Variants in UTS2R observed in about 807,000 individuals in gnomAD.
UTS2R encodes urotensin 2 receptor.
For missense variants in UTS2R, 653 were observed against 562.2 expected, an observed-to-expected ratio of 1.16 and a Z score of -1.63; for synonymous variants, 335 against 280.9, an observed-to-expected ratio of 1.19 and a Z score of -1.93.
At chr17:82,372,205 T>G (rs1343273006) in intron 1 of UTS2R, among the ~76,000 whole-genome samples, 158 bp downstream of exon 1, 2 of 152,114 alleles carry the variant, frequency 1.3e-5, no homozygotes, top group African/African-American at 4.8e-5. Context: ...CGTGGAACTT[T>G]CGGCCCCTCC....
Position 82,374,969 on chromosome 17 carries a change from C to A in UTS2R, c.645C>A (p.Leu215=). Residue 215 remains leucine (L), a synonymous_variant, in exon 3 of 3, where the codon CTC becomes CTA. Transcript: ENST00000313135. The part of the protein sequence containing the change: ...PRAHRAYLTL[L]FATSIAGPGL... ...CCCACCGCGCCTACCTGACGCTGCTCTTCGCCACCAGCATCGCGGGGCCCG... is the reference window on the plus strand; with the variant it reads ...CCCACCGCGCCTACCTGACGCTGCTATTCGCCACCAGCATCGCGGGGCCCG... The A allele has an allele frequency of 8.4e-7, 1 of 1,189,880 alleles. No homozygotes were observed. 73.7% of individuals were successfully genotyped at this position (1,189,880 alleles called of 1,614,324 possible).
chr17:82,375,549 A>C lies in UTS2R; in HGVS notation c.*55A>C. On this transcript the variant is annotated 3_prime_UTR_variant, in exon 3 of 3. Transcript: ENST00000313135. ...GGGGACGCGCCCCAAAGCCCCAGCC[A>C]CTCCCGGGAGCCCCCCCAACTCCCA... 1 of 692,324 alleles carries C rather than the reference A, an allele frequency of 1.4e-6. No homozygotes were observed. Among genetic ancestry groups the C allele is most frequent in the Non-Finnish European group, 2.2e-6 (1 of 453,282 alleles). 42.9% of individuals were successfully genotyped at this position (692,324 alleles called of 1,614,324 possible).
In UTS2R at chr17:82,375,571, C is replaced by G; in HGVS notation, c.*77C>G. ...GCCACTCCCGGGAGCCCCCCCAACT[C>G]CCAAATCACAGGCCCTGCCCCTCCT... On this transcript the variant is annotated 3_prime_UTR_variant, in exon 3 of 3. Coordinates refer to ENST00000313135, the MANE Select transcript of UTS2R (RefSeq NM_018949.3). 1 of 570,978 alleles carries G rather than the reference C, an allele frequency of 1.8e-6. No homozygotes were observed. Among genetic ancestry groups the G allele is most frequent in the Non-Finnish European group, 2.9e-6 (1 of 344,458 alleles). 35.4% of individuals were successfully genotyped at this position (570,978 alleles called of 1,614,324 possible). A position where few individuals can be genotyped will look rare whatever the true frequency, so the allele number is the denominator to read the frequency against.
rs539478274 is a variant in UTS2R at position 82,371,988 on chromosome 17, G to A, written c.-328G>A. Among the ~76,000 whole-genome samples the A allele has an allele frequency of 6.6e-6, 1 of 152,174 alleles. No individual in the cohort carries two copies. The highest frequency in any genetic ancestry group is 2.1e-4 in the South Asian group (1 of 4,824). On this transcript the variant is annotated 5_prime_UTR_variant, in exon 1 of 3. Transcript: ENST00000313135. This position sits in a 1 kb window ranked among gnomAD's most constrained non-coding sequence, Gnocchi z 6.3. ...GAGGAGTTTGGAGCCGCGAGCGGCTGCCCCCACGCGCGACCCCAGGCTCGG... is the reference window on the plus strand; with the variant it reads ...GAGGAGTTTGGAGCCGCGAGCGGCTACCCCCACGCGCGACCCCAGGCTCGG...
chr17:82,373,792 T>G (rs2052465769), intron 2 of UTS2R, among the ~76,000 whole-genome samples: 2 of 152,174 alleles, frequency 1.3e-5, no homozygotes, highest in African/African-American at 4.8e-5. Flanking sequence ...TTTTGCAATC[T>G]AAAGAAAACA....
chr17:82,374,586 G>A lies in UTS2R; in HGVS notation c.262G>A (p.Val88Ile), dbSNP rs369444967. ...CCTGCGTGCGGTGGCCTCCATGTACGTCTACGTGGTCAACCTGGCGCTGGC... is the reference window on the plus strand; with the variant it reads ...CCTGCGTGCGGTGGCCTCCATGTACATCTACGTGGTCAACCTGGCGCTGGC... ...RSLRAVASMY[V>I]YVVNLALADL... The change falls in exon 3 of 3, where the codon GTC becomes ATC. Residue 88 changes from valine (V) to isoleucine (I), a missense_variant. By Grantham distance (29) the Val-to-Ile change is conservative. Transcript: ENST00000313135. 7 of 1,604,894 alleles carry A rather than the reference G, an allele frequency of 4.4e-6. No individual in the cohort carries two copies. Among genetic ancestry groups the A allele is most frequent in the African/African-American group, 4.0e-5 (3 of 74,804 alleles).
Position 82,375,623 on chromosome 17 carries a change from C to T in UTS2R, c.*129C>T. The T allele has an allele frequency of 5.9e-6, 3 of 506,150 alleles. No individual in the cohort carries two copies. Among genetic ancestry groups the T allele is most frequent in the Non-Finnish European group, 1.0e-5 (3 of 292,056 alleles). 31.4% of individuals were successfully genotyped at this position (506,150 alleles called of 1,614,324 possible). A position where few individuals can be genotyped will look rare whatever the true frequency, so the allele number is the denominator to read the frequency against. On this transcript the variant is annotated 3_prime_UTR_variant, in exon 3 of 3. Coordinates refer to ENST00000313135, the MANE Select transcript of UTS2R (RefSeq NM_018949.3). ...CGTCCCCTTCTGGAAAGATCCTGCT[C>T]GCTTCCCCTCAGCGCCCTTCCCGTG...
rs201074653 is a variant in UTS2R, at chr17:82,375,290, C to T, written c.966C>T (p.Tyr322=). The T allele has an allele frequency of 6.4e-7, 1 of 1,556,544 alleles. No individual in the cohort carries two copies. The highest frequency in any genetic ancestry group is 8.7e-7 in the Non-Finnish European group (1 of 1,152,208). ...TCTACACGCTGCTCACCAGGAACTA[C>T]CGCGACCACCTGCGCGGCCGCGTGC... ...PFLYTLLTRN[Y]RDHLRGRVRG... Residue 322 remains tyrosine (Y), a synonymous_variant, in exon 3 of 3, where the codon TAC becomes TAT. Coordinates refer to ENST00000313135, the MANE Select transcript of UTS2R (RefSeq NM_018949.3).
rs2052458815 is a variant in UTS2R at position 82,372,599 on chromosome 17, C to T, written c.-267C>T. ...GCCTCCTGTGTCTTGTTTCTTCAGC[C>T]CACCACCGCGCTGTTTCATCCAGGC... On this transcript the variant is annotated splice_region_variant and 5_prime_UTR_variant, in exon 2 of 3. Transcript: ENST00000313135. 6.6e-6 allele frequency among the ~76,000 whole-genome samples: 1 copy of T among 152,220 alleles called. No homozygotes were observed. The highest frequency in any genetic ancestry group is 1.5e-5 in the Non-Finnish European group (1 of 68,052).
intron 1 of UTS2R, among the ~76,000 whole-genome samples, 28 bp downstream of exon 1, chr17:82,372,075 G>A (rs924334449): frequency 1.2e-4 from 19 of 152,144 alleles, no homozygotes; most frequent in African/African-American, 3.1e-4. Context: ...GACCGGGAGC[G>A]CGCGGGGACT....
At chr17:82,374,218 G>A (rs2047449159) in intron 2 of UTS2R, 25 bp from the exon 3 acceptor site, 1 of 878,204 alleles carries the variant, frequency 1.1e-6, no homozygotes, top group African/African-American at 1.7e-5. Context: ...GGAAGGTGTT[G>A]CCTGATTTGC....
chr17:82,374,526 G>A lies in UTS2R; in HGVS notation c.202G>A (p.Gly68Ser), dbSNP rs755315797. Reference sequence around the variant, plus strand: ...GGCCATGGGCGTGGTGGGCGTGGTGGGCAACGCCTACACGCTGGTGGTCAC... The same window carrying A: ...GGCCATGGGCGTGGTGGGCGTGGTGAGCAACGCCTACACGCTGGTGGTCAC... ...LSAMGVVGVV[G>S]NAYTLVVTCR... The change falls in exon 3 of 3, where the codon GGC (glycine) becomes AGC (serine). Residue 68 changes from glycine (G) to serine (S), a missense_variant. Physicochemically the swap from Gly to Ser is moderately conservative, Grantham distance 56. Transcript: ENST00000313135. The A allele has an allele frequency of 3.8e-6, 6 of 1,582,776 alleles. No individual in the cohort carries two copies. Among genetic ancestry groups the A allele is most frequent in the Non-Finnish European group, 5.1e-6 (6 of 1,165,306 alleles).
At position 82,374,440 on chromosome 17, in the gene UTS2R, C is replaced by A. The variant is rs761959246; in HGVS notation, c.116C>A (p.Pro39Gln). 1 of 1,599,036 alleles carries A rather than the reference C, an allele frequency of 6.3e-7. No individual in the cohort carries two copies. Among genetic ancestry groups the A allele is most frequent in the South Asian group, 1.1e-5 (1 of 89,574 alleles). Residue 39 changes from proline to glutamine, a missense_variant, in exon 3 of 3, where the codon CCG (proline) becomes CAG (glutamine). Pro to Gln is a moderately conservative substitution (Grantham distance 76). Transcript: ENST00000313135. ...ACCCTCAACAGCTCCTGGGCCAGCC[C>A]GACCGAGCCCAGCTCCCTGGAGGAC... The part of the protein sequence containing the change: ...NATLNSSWAS[P>Q]TEPSSLEDLV...
chr17:82,374,034 G>A (rs1360735930), intron 2 of UTS2R, among the ~76,000 whole-genome samples: 5 of 151,770 alleles, frequency 3.3e-5, no homozygotes, highest in Non-Finnish European at 7.4e-5. Context: ...GGGGGGGGCA[G>A]GGGTCCTGCT....
Position 82,375,474 on chromosome 17 carries a change from G to T in UTS2R, c.1150G>T (p.Gly384Cys). The change falls in exon 3 of 3, where the codon GGT becomes TGT. Residue 384 changes from glycine (G) to cysteine (C), a missense_variant. Physicochemically the swap from Gly to Cys is radical, Grantham distance 159. Transcript: ENST00000313135. ...PAAPARPAPE[G>C]PRAPA is the part of the protein sequence containing the mutation. The stretch of plus-strand genomic sequence containing the variant: ...GGCCCCGGCCCGACCTGCGCCCGAG[G>T]GTCCCAGGGCCCCGGCGTGAGCACG... The T allele has an allele frequency of 4.1e-6, 6 of 1,455,280 alleles. No individual in the cohort carries two copies. Among genetic ancestry groups the T allele is most frequent in the East Asian group, 2.7e-5 (1 of 37,582 alleles). 90.1% of individuals were successfully genotyped at this position (1,455,280 alleles called of 1,614,324 possible). A position where few individuals can be genotyped will look rare whatever the true frequency, so the allele number is the denominator to read the frequency against.
chr17:82,374,331 C>G lies in UTS2R; in HGVS notation c.7C>G (p.Leu3Val). ...CCGTCGTGAGGGGTCAGAGATGGCG[C>G]TGACCCCCGAGTCCCCGAGCAGCTT... is the stretch of plus-strand genomic sequence containing the variant. MALTPESPSSFPG... is the reference protein window; with the variant it reads MAVTPESPSSFPG... Residue 3 changes from leucine (L) to valine (V), a missense_variant, in exon 3 of 3, where the codon CTG becomes GTG. Transcript: ENST00000313135. The G allele has an allele frequency of 6.4e-7, 1 of 1,568,934 alleles. No individual in the cohort carries two copies. The highest frequency in any genetic ancestry group is 8.6e-7 in the Non-Finnish European group (1 of 1,165,238).
At position 82,371,828 on chromosome 17, in the gene UTS2R, C is replaced by G. The variant is rs1472226407; in HGVS notation, c.-488C>G. ...GAGACCCGGCGCGGGGCGGGGGGCG[C>G]GGCTTTGGTGGCGGGACTGGCGGGC... On this transcript the variant is annotated 5_prime_UTR_variant, in exon 1 of 3. Coordinates refer to ENST00000313135, the MANE Select transcript of UTS2R (RefSeq NM_018949.3). This position sits in a 1 kb window ranked among gnomAD's most constrained non-coding sequence, Gnocchi z 6.3. Among the ~76,000 whole-genome samples the G allele has an allele frequency of 1.3e-5, 2 of 151,636 alleles. No homozygotes were observed. Among genetic ancestry groups the G allele is most frequent in the African/African-American group, 4.8e-5 (2 of 41,344 alleles).
rs200967341 is a variant in UTS2R at position 82,374,720 on chromosome 17, G to A, written c.396G>A (p.Leu132=). 51 of 1,612,690 alleles carry A rather than the reference G, an allele frequency of 3.2e-5. No individual in the cohort carries two copies. Among genetic ancestry groups the A allele is most frequent in the African/African-American group, 5.3e-5 (4 of 74,924 alleles). The change falls in exon 3 of 3, where the codon CTG becomes CTA. Residue 132 remains leucine (L), a synonymous_variant. Coordinates refer to ENST00000313135, the MANE Select transcript of UTS2R (RefSeq NM_018949.3). ...GCRVLFGLDF[L]TMHASIFTLT... ...GCGTGCTCTTCGGCCTGGACTTCCT[G>A]ACCATGCACGCCAGCATCTTCACGC... is the stretch of plus-strand genomic sequence containing the variant.
Position 82,374,796 on chromosome 17 carries a change from ACCGTGCAGCGCC to A in UTS2R, c.475_486del (p.Val159_Pro162del), listed in dbSNP as rs754710616. ...CGCTGCGGTGCTGCGGCCGCTGGAC[ACCGTGCAGCGCC>A]CCAAGGGCTACCGCAAGCTGCTGGC... On this transcript the variant is annotated inframe_deletion, in exon 3 of 3. Transcript: ENST00000313135. 4 of 1,575,964 alleles carry A rather than the reference ACCGTGCAGCGCC, an allele frequency of 2.5e-6. No homozygotes were observed. The highest frequency in any genetic ancestry group is 3.4e-6 in the Non-Finnish European group (4 of 1,160,018).
Sources: gnomAD v4.1 joint callset for allele counts (sites outside exome capture counted in the v4.1 genomes callset) on GRCh38, gnomAD v4.1.1 for gene constraint, Gnocchi (gnomAD v3.1) non-coding constraint, MANE v1.5 for transcripts, NCBI Gene and HGNC (gene_info 2026-07-23, HGNC 2026-07-21) for gene names.